Variants in PCED1B observed in about 807,000 individuals in gnomAD.
PCED1B encodes PC-esterase domain containing 1B, also known as PC-esterase domain-containing protein 1B.
For synonymous variants in PCED1B, 251 were observed against 246.1 expected, an observed-to-expected ratio of 1.02 and a Z score of -0.19; for missense variants, 573 against 573.9, an observed-to-expected ratio of 1.00 and a Z score of 0.02.
chr12:47,177,077 C>A (rs1037667830), intron 2 of PCED1B, among the ~76,000 whole-genome samples: 1 of 152,190 alleles, frequency 6.6e-6, no homozygotes, highest in African/African-American at 2.4e-5. Flanking sequence ...GAAGCACCAG[C>A]TGTGAACTCT....
chr12:47,150,096 G>A (rs1940934897), intron 2 of PCED1B, among the ~76,000 whole-genome samples: 2 of 152,102 alleles, frequency 1.3e-5, no homozygotes, highest in African/African-American at 4.8e-5. Flanking sequence ...CATCTTAAAT[G>A]TGTACTATTT....
intron 2 of PCED1B, among the ~76,000 whole-genome samples, chr12:47,107,524 C>T (rs1939008534): frequency 6.6e-6 from 1 of 152,214 alleles, no homozygotes; most frequent in Admixed American, 6.5e-5. Flanking sequence ...AAGTATAATG[C>T]ATCGAAGTTA....
At chr12:47,199,021 A>T (rs1942689353) in intron 2 of PCED1B, among the ~76,000 whole-genome samples, 1 of 152,086 alleles carries the variant, frequency 6.6e-6, no homozygotes, top group African/African-American at 2.4e-5. Context: ...AGAATCAACA[A>T]CAGCAAAAAA....
intron 2 of PCED1B, among the ~76,000 whole-genome samples, chr12:47,165,803 G>A (rs1222168176): frequency 6.6e-6 from 1 of 152,116 alleles, no homozygotes; most frequent in South Asian, 2.1e-4. Flanking sequence ...GAGGCATAAT[G>A]TGCACATTAG....
chr12:47,175,181 A>G (rs1344614700), intron 2 of PCED1B, among the ~76,000 whole-genome samples: 1 of 152,220 alleles, frequency 6.6e-6, no homozygotes, highest in Non-Finnish European at 1.5e-5. Flanking sequence ...TGAGTAGAAT[A>G]TTTACAGTTA....
At chr12:47,094,162 T>C (rs888172639) in intron 1 of PCED1B, among the ~76,000 whole-genome samples, 38 of 152,128 alleles carry the variant, frequency 2.5e-4, no homozygotes, top group Non-Finnish European at 3.5e-4. Flanking sequence ...ATTGGACTTA[T>C]TTATTTATAA....
intron 2 of PCED1B, among the ~76,000 whole-genome samples, chr12:47,179,327 A>G (rs540722929): frequency 4.8e-4 from 73 of 152,356 alleles, no homozygotes; most frequent in African/African-American, 1.8e-3. Flanking sequence ...AGCTCATCAG[A>G]ACATCTGGAC....
At chr12:47,163,182 T>C (rs990700736) in intron 2 of PCED1B, among the ~76,000 whole-genome samples, 1 of 152,236 alleles carries the variant, frequency 6.6e-6, no homozygotes, top group East Asian at 1.9e-4. Context: ...TTTTTGATGC[T>C]ATGAAATTGT....
At chr12:47,149,051 G>A (rs1024838482) in intron 2 of PCED1B, among the ~76,000 whole-genome samples, 16 of 152,200 alleles carry the variant, frequency 1.1e-4, no homozygotes, top group African/African-American at 3.4e-4. Context: ...AGAAAACTCA[G>A]TGGAGGATAC....
intron 1 of PCED1B, among the ~76,000 whole-genome samples, chr12:47,097,470 T>C (rs1321576731): frequency 6.6e-6 from 1 of 152,210 alleles, no homozygotes. Flanking sequence ...GATAATATTT[T>C]GTTTATTTTA....
intron 2 of PCED1B, among the ~76,000 whole-genome samples, chr12:47,207,692 C>T (rs1942953369): frequency 2.0e-5 from 3 of 152,352 alleles, no homozygotes; most frequent in Non-Finnish European, 4.4e-5. Flanking sequence ...ATGCATTCCT[C>T]TTCATCAGAC....
chr12:47,205,860 T>C (rs879839805), intron 2 of PCED1B: 3 of 152,014 alleles, frequency 2.0e-5, no homozygotes, highest in South Asian at 2.1e-4. Context: ...AATAAGGGAA[T>C]TGGAATAGAG....
At chr12:47,234,509 T>C (rs958559144) in intron 3 of PCED1B, among the ~76,000 whole-genome samples, 1 of 152,226 alleles carries the variant, frequency 6.6e-6, no homozygotes, top group African/African-American at 2.4e-5. Context: ...ATAGTTTAAG[T>C]GATGGGGCAT....
chr12:47,084,119 C>T (rs981127078), intron 1 of PCED1B, among the ~76,000 whole-genome samples: 12 of 152,262 alleles, frequency 7.9e-5, no homozygotes, highest in Middle Eastern at 6.8e-3. Context: ...GTTAAAAGTG[C>T]ATTTATTACA....
chr12:47,180,734 C>A (rs1054136848), intron 2 of PCED1B, among the ~76,000 whole-genome samples: 1 of 151,944 alleles, frequency 6.6e-6, no homozygotes, highest in East Asian at 1.9e-4. Context: ...CTACAAGGAA[C>A]TTAAACAAAT....
At position 47,119,978 on chromosome 12, in the gene PCED1B, A is replaced by C. The variant is rs563903809; in HGVS notation, c.-526+15783A>C. ...GAGACTCTGTCTCCATAATAATAAT[A>C]ATAATAATAATAAAATGATTAATTG... On this transcript the variant is annotated intron_variant, in intron 2 of 3. Coordinates refer to ENST00000546455, the MANE Select transcript of PCED1B (RefSeq NM_138371.3). 3.4e-3 allele frequency among the ~76,000 whole-genome samples: 509 copies of C among 151,756 alleles called. 1 individual carries two copies. Among genetic ancestry groups the C allele is most frequent in the African/African-American group, 0.012 (481 of 41,268 alleles).
chr12:47,221,692 C>A (rs2137836349), intron 3 of PCED1B, among the ~76,000 whole-genome samples: 1 of 152,322 alleles, frequency 6.6e-6, no homozygotes, highest in Non-Finnish European at 1.5e-5. Context: ...GTGCTGCCAT[C>A]ATTCCCATTG....
chr12:47,092,000 A>G (rs1019220788), intron 1 of PCED1B, among the ~76,000 whole-genome samples: 10 of 152,122 alleles, frequency 6.6e-5, no homozygotes, highest in African/African-American at 2.4e-4. Flanking sequence ...TTATTCTTCA[A>G]GAATAACTTG....
intron 1 of PCED1B, among the ~76,000 whole-genome samples, chr12:47,088,211 A>G (rs1360899395): frequency 6.6e-6 from 1 of 152,242 alleles, no homozygotes; most frequent in Admixed American, 6.5e-5. Flanking sequence ...CTGACGCAGC[A>G]CAGATGTTTA....
Sources: allele counts gnomAD v4.1 joint callset (sites outside exome capture counted in the v4.1 genomes callset), GRCh38; gene constraint gnomAD v4.1.1; transcripts MANE v1.5; gene names NCBI Gene and HGNC (gene_info 2026-07-23, HGNC 2026-07-21).